The following ABRAXAS2 variants were observed in gnomAD, a reference collection of about 807,000 sequenced individuals.
ABRAXAS2 encodes the protein abraxas 2, BRISC complex subunit.
Under a neutral mutation model 49.0 loss-of-function variants are expected in ABRAXAS2, and 23 were observed. That is an observed-to-expected ratio of 0.47 (90% confidence interval 0.34 to 0.66). ABRAXAS2 has a LOEUF of 0.66. Ranked by LOEUF, ABRAXAS2 falls within the 30% of genes least tolerant of loss-of-function variation. The probability of loss-of-function intolerance (pLI) is 0.01; values close to 1 mark genes in which losing one functional copy is unlikely to be tolerated. For synonymous variants in ABRAXAS2, 168 were observed against 180.2 expected, an observed-to-expected ratio of 0.93 and a Z score of 0.54; for missense variants, 443 against 511.9, an observed-to-expected ratio of 0.87 and a Z score of 1.30.
intron 3 of ABRAXAS2, among the ~76,000 whole-genome samples, chr10:124,817,962 C>T (rs1275490504): frequency 6.6e-6 from 1 of 152,204 alleles, no homozygotes; most frequent in African/African-American, 2.4e-5. Context: ...TCACACATTG[C>T]TTCTGTCTGG....
chr10:124,825,013 A>T (rs1156557194), intron 4 of ABRAXAS2, among the ~76,000 whole-genome samples: 2 of 152,082 alleles, frequency 1.3e-5, no homozygotes, highest in African/African-American at 2.4e-5. Context: ...CGGACAAAAC[A>T]TCTCTTCTAT....
rs554573561 is a variant in ABRAXAS2, at chr10:124,814,068, T to C, written c.164-2508T>C. ...GTGCAATGGCACAATCTTGACTCACTGCAACCTCTGCCTCCCAGTTTCAAG... is the reference window on the plus strand; with the variant it reads ...GTGCAATGGCACAATCTTGACTCACCGCAACCTCTGCCTCCCAGTTTCAAG... On this transcript the variant is annotated intron_variant, in intron 2 of 8. Coordinates refer to ENST00000298492, the MANE Select transcript of ABRAXAS2 (RefSeq NM_032182.4). Among the ~76,000 whole-genome samples, 8 of 152,322 alleles carry C rather than the reference T, an allele frequency of 5.3e-5. 1 individual carries two copies. The South Asian group carries it at 1.4e-3, about 28-fold the overall frequency.
At position 124,834,629 on chromosome 10, in the gene ABRAXAS2, G is replaced by C. The variant is rs144062723; in HGVS notation, c.906G>C (p.Ser302=). 1 of 1,613,908 alleles carries C rather than the reference G, an allele frequency of 6.2e-7. No individual in the cohort carries two copies. The highest frequency in any genetic ancestry group is 1.3e-5 in the African/African-American group (1 of 74,858). Residue 302 remains serine, a synonymous_variant, in exon 9 of 9, where the codon TCG becomes TCC. Transcript: ENST00000298492. ...GTACACTTGGAGATGCAGAGGCCTC[G>C]GATCCTCCTCCCCCTTACTCTGATT... ...GRSTLGDAEA[S]DPPPPYSDFH...
At chr10:124,825,317 CAAAAAA>C (rs34358193) in intron 4 of ABRAXAS2, among the ~76,000 whole-genome samples, 10 of 103,928 alleles carry the variant, frequency 9.6e-5, no homozygotes, top group African/African-American at 2.9e-4. Context: ...GACTCTGTCT[CAAAAAA>C]AAAAAAAAAA....
chr10:124,811,117 A>C (rs1206552890), intron 2 of ABRAXAS2, among the ~76,000 whole-genome samples: 1 of 151,876 alleles, frequency 6.6e-6, no homozygotes, highest in Admixed American at 6.6e-5. Flanking sequence ...AGGCTGAGGC[A>C]GGAGAATGAC....
At chr10:124,808,609 C>T (rs1326573058) in intron 2 of ABRAXAS2, among the ~76,000 whole-genome samples, 2 of 152,120 alleles carry the variant, frequency 1.3e-5, no homozygotes, top group East Asian at 3.9e-4. Flanking sequence ...CCAGACAGTG[C>T]GAGAAGAATT....
chr10:124,811,657 G>GAAC (rs1409505024), intron 2 of ABRAXAS2, among the ~76,000 whole-genome samples: 1 of 151,760 alleles, frequency 6.6e-6, no homozygotes, highest in African/African-American at 2.4e-5. Context: ...AGAATGGCAT[G>GAAC]AACCTGGGAG....
chr10:124,823,118 A>G (rs1403773770), intron 4 of ABRAXAS2, among the ~76,000 whole-genome samples: 3 of 152,184 alleles, frequency 2.0e-5, no homozygotes, highest in Non-Finnish European at 4.4e-5. Context: ...TGGGAGCTAT[A>G]TATTTCCTTT....
intron 2 of ABRAXAS2, among the ~76,000 whole-genome samples, chr10:124,811,806 G>A (rs555100212): frequency 1.3e-5 from 2 of 152,156 alleles, no homozygotes; most frequent in Non-Finnish European, 2.9e-5. Context: ...ACGGAGTTTC[G>A]CTTTTGTTGC....
intron 4 of ABRAXAS2, among the ~76,000 whole-genome samples, chr10:124,821,246 C>T (rs993610228): frequency 3.3e-5 from 5 of 151,078 alleles, no homozygotes; most frequent in East Asian, 2.0e-4. Flanking sequence ...AAATGAGTAA[C>T]GACCATGAAC....
chr10:124,814,384 C>G (rs930864015), intron 2 of ABRAXAS2, among the ~76,000 whole-genome samples: 2 of 150,156 alleles, frequency 1.3e-5, no homozygotes, highest in African/African-American at 2.5e-5. Flanking sequence ...GAGTCTCACT[C>G]TGTTGCCCAG....
At chr10:124,822,223 A>G (rs1950866129) in intron 4 of ABRAXAS2, among the ~76,000 whole-genome samples, 2 of 152,212 alleles carry the variant, frequency 1.3e-5, no homozygotes, top group Non-Finnish European at 2.9e-5. Context: ...AGTCCTTACA[A>G]AGAAGGAGAG....
intron 7 of ABRAXAS2, 103 bp downstream of exon 7, chr10:124,829,580 A>G: frequency 1.3e-6 from 1 of 752,392 alleles, no homozygotes; most frequent in Non-Finnish European, 2.2e-6. Flanking sequence ...TAGAGTTAGG[A>G]TCCGAAAGTC....
chr10:124,811,215 A>AAAAT (rs1950785022), intron 2 of ABRAXAS2, among the ~76,000 whole-genome samples: 2 of 151,946 alleles, frequency 1.3e-5, no homozygotes, highest in Non-Finnish European at 2.9e-5. Flanking sequence ...CCATCTCAAA[A>AAAAT]AAATAAATAA....
intron 5 of ABRAXAS2, among the ~76,000 whole-genome samples, chr10:124,827,780 A>G (rs969820996): frequency 6.6e-5 from 10 of 151,620 alleles, no homozygotes; most frequent in African/African-American, 2.4e-4. Context: ...CCCTATGATT[A>G]TATGATCATG....
intron 4 of ABRAXAS2, among the ~76,000 whole-genome samples, chr10:124,819,863 A>G (rs1950850677): frequency 6.6e-6 from 1 of 152,190 alleles, no homozygotes; most frequent in African/African-American, 2.4e-5. Flanking sequence ...ACATTTGCAT[A>G]TGATGTTCTA....
chr10:124,824,901 C>G (rs1409720935), intron 4 of ABRAXAS2, among the ~76,000 whole-genome samples: 1 of 152,088 alleles, frequency 6.6e-6, no homozygotes, highest in Non-Finnish European at 1.5e-5. Flanking sequence ...TTTATGGCCA[C>G]CATCATGTCT....
intron 4 of ABRAXAS2, among the ~76,000 whole-genome samples, chr10:124,826,004 G>A (rs1950894038): frequency 6.6e-6 from 1 of 152,164 alleles, no homozygotes; most frequent in Non-Finnish European, 1.5e-5. Context: ...CTTCCAGAGT[G>A]CATAACAGTT....
chr10:124,819,346 T>C (rs1950846129), intron 3 of ABRAXAS2, 38 bp from the exon 4 acceptor site: 1 of 1,549,594 alleles, frequency 6.5e-7, no homozygotes, highest in Non-Finnish European at 8.9e-7. Context: ...GTCACAATAC[T>C]ATGTGGTGTT....
Sources: gnomAD v4.1 joint callset for allele counts (sites outside exome capture counted in the v4.1 genomes callset) on GRCh38, gnomAD v4.1.1 for gene constraint, MANE v1.5 for transcripts, NCBI Gene and HGNC (gene_info 2026-07-23, HGNC 2026-07-21) for gene names.